BICD1: variants seen among roughly 807,000 people sequenced by gnomAD.
BICD1 encodes protein bicaudal D homolog 1.
Under a neutral mutation model 92.5 loss-of-function variants are expected in BICD1, and 35 were observed. The ratio of observed to expected loss-of-function variants is 0.38; its 90% CI spans 0.29 to 0.50. The LOEUF is 0.50. Among genes scored for constraint, BICD1 ranks in the 20% least tolerant of loss-of-function variants. The pLI is 0.93. For synonymous variants in BICD1, 429 were observed against 465.1 expected (o/e 0.92, Z 1.00); for missense variants, 950 against 1,189.8 (o/e 0.80, Z 2.97).
chr12:32,166,146 A>ATTTTTTATTTT (rs1434168968), intron 1 of BICD1, among the ~76,000 whole-genome samples: 1 of 81,398 alleles, frequency 1.2e-5, no homozygotes, highest in African/African-American at 4.8e-5. Context: ...TTATTTATTT[A>ATTTTTTATTTT]TTTTTTGGAG....
intron 2 of BICD1, among the ~76,000 whole-genome samples, chr12:32,221,356 A>T (rs866254160): frequency 8.1e-4 from 121 of 149,846 alleles, no homozygotes; most frequent in East Asian, 4.5e-3. Flanking sequence ...AAAAAATAAA[A>T]AAATAAATAA....
At chr12:32,193,128 A>G (rs1237576829) in intron 1 of BICD1, among the ~76,000 whole-genome samples, 5 of 152,238 alleles carry the variant, frequency 3.3e-5, no homozygotes, top group Non-Finnish European at 4.4e-5. Context: ...AGTATTGCCT[A>G]TTACAGAGAA....
At chr12:32,270,119 T>TAAAAA (rs34843444) in intron 2 of BICD1, among the ~76,000 whole-genome samples, 773 of 126,756 alleles carry the variant, frequency 6.1e-3, no homozygotes, top group African/African-American at 0.024. Flanking sequence ...AGACTCCCTC[T>TAAAAA]AAAAAAAAAA....
chr12:32,306,488 C>T (rs574478485), intron 4 of BICD1, among the ~76,000 whole-genome samples: 1 of 151,944 alleles, frequency 6.6e-6, no homozygotes, highest in African/African-American at 2.4e-5. Flanking sequence ...TCGTGATCCG[C>T]CCGCCTTGGC....
intron 1 of BICD1, among the ~76,000 whole-genome samples, chr12:32,129,601 C>T (rs1316542451): frequency 6.6e-6 from 1 of 151,446 alleles, no homozygotes; most frequent in Non-Finnish European, 1.5e-5. Context: ...AAACTCTGGG[C>T]TCAACCGATC....
intron 2 of BICD1, among the ~76,000 whole-genome samples, chr12:32,221,366 A>AATAT (rs1240371564): frequency 1.3e-5 from 2 of 151,088 alleles, no homozygotes; most frequent in Admixed American, 6.6e-5. Flanking sequence ...AAAATAAATA[A>AATAT]ATAAATAAAT....
intron 8 of BICD1, among the ~76,000 whole-genome samples, chr12:32,363,594 A>G (rs926681711): frequency 4.1e-5 from 5 of 121,142 alleles, no homozygotes; most frequent in Admixed American, 7.8e-5. Context: ...ATTATGTTAG[A>G]TGTCAGCCTA....
At chr12:32,315,169 G>T (rs997240328) in intron 4 of BICD1, among the ~76,000 whole-genome samples, 1 of 152,054 alleles carries the variant, frequency 6.6e-6, no homozygotes. Flanking sequence ...TATTTTACAC[G>T]TGGGCATCCA....
At chr12:32,231,342 G>A (rs981189349) in intron 2 of BICD1, among the ~76,000 whole-genome samples, 2 of 151,980 alleles carry the variant, frequency 1.3e-5, no homozygotes, top group Non-Finnish European at 2.9e-5. Flanking sequence ...AATTAGCAGG[G>A]CATGGTGGCG....
intron 8 of BICD1, chr12:32,339,977 G>A (rs900148891): frequency 9.6e-6 from 8 of 837,440 alleles, no homozygotes; most frequent in Non-Finnish European, 1.2e-5. Context: ...GGCAAGCTTC[G>A]CACTTTGCCA....
chr12:32,248,332 A>G (rs957127890), intron 2 of BICD1, among the ~76,000 whole-genome samples: 3 of 152,196 alleles, frequency 2.0e-5, no homozygotes, highest in African/African-American at 7.2e-5. Context: ...GTGGAGAAAC[A>G]GAGATGGCAA....
chr12:32,247,842 T>C (rs1946429130), intron 2 of BICD1, among the ~76,000 whole-genome samples: 1 of 151,658 alleles, frequency 6.6e-6, no homozygotes, highest in Non-Finnish European at 1.5e-5. Flanking sequence ...CCCAGCACTT[T>C]GGGAGGCCAA....
intron 2 of BICD1, among the ~76,000 whole-genome samples, chr12:32,256,573 G>GT (rs947242247): frequency 1.3e-5 from 2 of 152,228 alleles, no homozygotes; most frequent in African/African-American, 2.4e-5. Context: ...ATAAAGAAAA[G>GT]TTTTTTTATT....
chr12:32,365,066 T>C (rs960465477), intron 8 of BICD1, among the ~76,000 whole-genome samples: 1 of 151,916 alleles, frequency 6.6e-6, no homozygotes, highest in Non-Finnish European at 1.5e-5. Flanking sequence ...TGAAACCCCG[T>C]CTCTACTAAA....
intron 2 of BICD1, among the ~76,000 whole-genome samples, chr12:32,260,287 A>G (rs1946824827): frequency 6.6e-6 from 1 of 152,190 alleles, no homozygotes; most frequent in Non-Finnish European, 1.5e-5. Flanking sequence ...GACATTTAAC[A>G]AAGATGCAGA....
At chr12:32,326,353 G>T (rs1370510755) in intron 4 of BICD1, among the ~76,000 whole-genome samples, 1 of 152,010 alleles carries the variant, frequency 6.6e-6, no homozygotes, top group Non-Finnish European at 1.5e-5. Context: ...CATATGGAAG[G>T]AGAGAAAATG....
intron 1 of BICD1, among the ~76,000 whole-genome samples, chr12:32,135,791 T>A (rs968909230): frequency 2.6e-5 from 4 of 152,112 alleles, no homozygotes; most frequent in Non-Finnish European, 5.9e-5. Context: ...CTCATTTACA[T>A]CATCTGTCAC....
At chr12:32,308,915 C>T (rs1413475899) in intron 4 of BICD1, among the ~76,000 whole-genome samples, 1 of 152,180 alleles carries the variant, frequency 6.6e-6, no homozygotes, top group Non-Finnish European at 1.5e-5. Flanking sequence ...AGGTTCAACA[C>T]AGGAAGGGCT....
chr12:32,221,556 T>G (rs1945532718), intron 2 of BICD1, among the ~76,000 whole-genome samples: 1 of 151,476 alleles, frequency 6.6e-6, no homozygotes, highest in South Asian at 2.1e-4. Context: ...TGGTGGTGGG[T>G]GCCTGTCCCT....
Sources: allele counts gnomAD v4.1 joint callset (sites outside exome capture counted in the v4.1 genomes callset), GRCh38; gene constraint gnomAD v4.1.1; transcripts MANE v1.5; gene names NCBI Gene and HGNC (gene_info 2026-07-23, HGNC 2026-07-21).